DSCAM: variants seen among roughly 807,000 people sequenced by gnomAD.
DSCAM encodes the protein DS cell adhesion molecule, also known as cell adhesion molecule DSCAM.
DSCAM carries 47 observed loss-of-function variants against 217.7 expected under a neutral mutation model. The observed-to-expected ratio is 0.22, with a 90% CI of 0.17 to 0.28. The LOEUF (loss-of-function observed/expected upper bound fraction) is 0.28. DSCAM is among the 10% of genes least tolerant of loss of function. The pLI, the probability that DSCAM is intolerant of heterozygous loss-of-function variation, is 1.00. For synonymous variants in DSCAM, 1,056 were observed against 1,015.3 expected, an observed-to-expected ratio of 1.04 and a Z score of -0.76; for missense variants, 2,080 against 2,618.3, an observed-to-expected ratio of 0.79 and a Z score of 4.49.
intron 1 of DSCAM, among the ~76,000 whole-genome samples, chr21:40,802,919 G>A (rs537638699): frequency 2.6e-5 from 4 of 152,236 alleles, no homozygotes; most frequent in African/African-American, 9.6e-5. Context: ...GATATCCTGG[G>A]GAAGTGACAG....
At chr21:40,553,962 C>T (rs1327367175) in intron 3 of DSCAM, among the ~76,000 whole-genome samples, 1 of 152,014 alleles carries the variant, frequency 6.6e-6, no homozygotes, top group Non-Finnish European at 1.5e-5. Context: ...ACAAAAAATC[C>T]CAGATCTTGA....
At position 40,016,316 on chromosome 21, in the gene DSCAM, G is replaced by C. The variant is rs2088156599; in HGVS notation, c.5687-2930C>G. On this transcript the variant is annotated intron_variant, in intron 32 of 32. Transcript: ENST00000400454. This position sits in a 1 kb window ranked among gnomAD's most constrained non-coding sequence, Gnocchi z 4.3. Reference sequence around the variant, plus strand: ...GGGGTGACTCCTTCCCAGGCTCTAAGCTCAGGAAACTGTGTGGACAGTGAA... The same window carrying C: ...GGGGTGACTCCTTCCCAGGCTCTAACCTCAGGAAACTGTGTGGACAGTGAA... Among the ~76,000 whole-genome samples the C allele has an allele frequency of 6.6e-6, 1 of 152,224 alleles. No individual in the cohort carries two copies. Among genetic ancestry groups the C allele is most frequent in the Non-Finnish European group, 1.5e-5 (1 of 68,042 alleles).
chr21:40,428,234 T>TTGTGTGTGTG lies in DSCAM; in HGVS notation c.509-58999_509-58990dup, dbSNP rs71186936. 9.8e-4 allele frequency among the ~76,000 whole-genome samples: 127 copies of TTGTGTGTGTG among 129,348 alleles called. 2 individuals are homozygous for TTGTGTGTGTG. The highest frequency in any genetic ancestry group is 2.8e-3 in the East Asian group (12 of 4,252). The allele number at this position is 129,348 out of a possible 152,430, so 84.9% of individuals were successfully genotyped here. A position where few individuals can be genotyped will look rare whatever the true frequency, so the allele number is the denominator to read the frequency against. The stretch of plus-strand genomic sequence containing the variant: ...CTGTGTGACCATGAGGGCAAATACT[T>TTGTGTGTGTG]TGTGTGTGTGTGTGTGTGTGTGTGT... On this transcript the variant is annotated intron_variant, in intron 3 of 32. Transcript: ENST00000400454.
At chr21:40,737,476 A>T (rs1481253838) in intron 1 of DSCAM, among the ~76,000 whole-genome samples, 1 of 151,842 alleles carries the variant, frequency 6.6e-6, no homozygotes, top group Non-Finnish European at 1.5e-5. Flanking sequence ...CATCTCTACT[A>T]AAAAAAATAC....
chr21:40,485,727 GTTAT>G (rs774104521), intron 3 of DSCAM, among the ~76,000 whole-genome samples: 46 of 152,034 alleles, frequency 3.0e-4, no homozygotes, highest in South Asian at 2.1e-3. Context: ...ATTTCTATTT[GTTAT>G]TTAACTTTAA....
At position 40,460,436 on chromosome 21, in the gene DSCAM, G is replaced by C. The variant is rs141974179; in HGVS notation, c.509-91191C>G. Among the ~76,000 whole-genome samples the C allele has an allele frequency of 2.9e-4, 44 of 152,212 alleles. 1 individual carries two copies. In the East Asian group the frequency reaches 8.5e-3, roughly 29 times the overall value. ...GTTTTCTGTAGCCTAAGATAGCAAA[G>C]ATCTGAGTATGATACAAAATTATGA... is the stretch of plus-strand genomic sequence containing the variant. On this transcript the variant is annotated intron_variant, in intron 3 of 32. Transcript: ENST00000400454.
intron 3 of DSCAM, among the ~76,000 whole-genome samples, chr21:40,429,693 G>T (rs902110608): frequency 6.6e-6 from 1 of 152,212 alleles, no homozygotes; most frequent in African/African-American, 2.4e-5. Context: ...TGTCAGTAGA[G>T]AATTAAATGA....
intron 3 of DSCAM, among the ~76,000 whole-genome samples, chr21:40,388,996 C>T (rs1168537541): frequency 3.3e-5 from 5 of 151,964 alleles, no homozygotes; most frequent in African/African-American, 9.7e-5. Context: ...GGGTGGGATA[C>T]AATATGGTAA....
chr21:40,301,182 G>A (rs888949018), intron 9 of DSCAM, among the ~76,000 whole-genome samples: 3 of 152,150 alleles, frequency 2.0e-5, no homozygotes, highest in African/African-American at 4.8e-5. Flanking sequence ...TACCTGCCAC[G>A]AACTGTCCCA....
chr21:40,436,704 G>A lies in DSCAM; in HGVS notation c.509-67459C>T, dbSNP rs553770478. On this transcript the variant is annotated intron_variant, in intron 3 of 32. Coordinates refer to ENST00000400454, the MANE Select transcript of DSCAM (RefSeq NM_001389.5). ...AGGACTCGCCAAGTGAAACTAGGCC[G>A]CCCTCGTTAAAAAATGGTTAAGAAT... is the stretch of plus-strand genomic sequence containing the variant. Among the ~76,000 whole-genome samples the A allele has an allele frequency of 3.9e-5, 6 of 152,210 alleles. No homozygotes were observed. In the South Asian group the frequency reaches 8.3e-4, roughly 21 times the overall value.
At chr21:40,500,429 T>C (rs1053882371) in intron 3 of DSCAM, among the ~76,000 whole-genome samples, 3 of 152,224 alleles carry the variant, frequency 2.0e-5, no homozygotes, top group Non-Finnish European at 4.4e-5. Flanking sequence ...GGAATAAATA[T>C]CTGTTTTAAA....
intron 32 of DSCAM, among the ~76,000 whole-genome samples, chr21:40,021,939 C>T (rs2088280169): frequency 6.6e-6 from 1 of 152,184 alleles, no homozygotes; most frequent in South Asian, 2.1e-4. Context: ...CTCCTTTTAG[C>T]TGAAACCTAG....
chr21:40,168,683 A>C (rs1191403707), intron 15 of DSCAM, among the ~76,000 whole-genome samples: 1 of 152,194 alleles, frequency 6.6e-6, no homozygotes, highest in Admixed American at 6.5e-5. Flanking sequence ...GGGAAAAGTA[A>C]AGCTATCTTA....
chr21:40,064,448 A>C (rs1385302377), intron 27 of DSCAM, among the ~76,000 whole-genome samples: 1 of 152,078 alleles, frequency 6.6e-6, no homozygotes, highest in Non-Finnish European at 1.5e-5. Context: ...GTTCATGGCA[A>C]TGTACTAAGG....
chr21:40,475,812 C>G (rs1012695554), intron 3 of DSCAM, among the ~76,000 whole-genome samples: 12 of 151,820 alleles, frequency 7.9e-5, no homozygotes, highest in African/African-American at 2.7e-4. Flanking sequence ...GCCTGGGCAA[C>G]AGAGTAAGAC....
intron 8 of DSCAM, among the ~76,000 whole-genome samples, chr21:40,324,103 CAAAAAAA>C (rs71330393): frequency 6.1e-4 from 17 of 27,940 alleles, no homozygotes; most frequent in East Asian, 4.9e-3. Context: ...AACTCTGTCT[CAAAAAAA>C]AAAAAAAAAA....
intron 15 of DSCAM, among the ~76,000 whole-genome samples, chr21:40,169,380 A>G (rs1224057407): frequency 6.6e-6 from 1 of 152,182 alleles, no homozygotes; most frequent in Non-Finnish European, 1.5e-5. Flanking sequence ...GTCTTGGAAA[A>G]TGGCTATGGT....
chr21:40,560,112 T>C (rs2076708521), intron 3 of DSCAM, among the ~76,000 whole-genome samples: 1 of 152,106 alleles, frequency 6.6e-6, no homozygotes, highest in East Asian at 1.9e-4. Context: ...TCTTTTGAAC[T>C]AAACACTTGT....
At chr21:40,442,963 A>G (rs1366208633) in intron 3 of DSCAM, among the ~76,000 whole-genome samples, 1 of 152,242 alleles carries the variant, frequency 6.6e-6, no homozygotes, top group African/African-American at 2.4e-5. Context: ...ACAAAAGCAT[A>G]CAAAATAGCA....
Sources: gnomAD v4.1 joint callset for allele counts (sites outside exome capture counted in the v4.1 genomes callset) on GRCh38, gnomAD v4.1.1 for gene constraint, Gnocchi (gnomAD v3.1) non-coding constraint, MANE v1.5 for transcripts, NCBI Gene and HGNC (gene_info 2026-07-23, HGNC 2026-07-21) for gene names.